Variants in TRIM54 observed in about 807,000 individuals in gnomAD.
TRIM54 encodes the protein tripartite motif containing 54, also known as tripartite motif-containing protein 54.
Under a neutral mutation model 42.0 loss-of-function variants are expected in TRIM54, and 40 were observed. That is an observed-to-expected ratio of 0.95 (90% CI 0.74 to 1.24). The LOEUF (loss-of-function observed/expected upper bound fraction) is 1.24, where lower values mean the gene tolerates loss of function less well. TRIM54 is among the 50% of genes most tolerant of loss of function. The pLI is 0.00. For missense variants in TRIM54, 485 were observed against 480.3 expected (o/e 1.01, Z -0.09); for synonymous variants, 199 against 194.9 (o/e 1.02, Z -0.17).
At chr2:27,285,421 A>G (rs991572208) in intron 1 of TRIM54, among the ~76,000 whole-genome samples, 1 of 152,218 alleles carries the variant, frequency 6.6e-6, no homozygotes, top group Non-Finnish European at 1.5e-5. Flanking sequence ...CTAGAAAGTT[A>G]ACGGTTATCA....
chr2:27,305,062 T>A lies in TRIM54; in HGVS notation c.609+8T>A. ...GTGTGCCAGACTATCGAGGTGAGCC[T>A]GGGCTGGAGGGAGGGAGGAACAGCA... On this transcript the variant is annotated splice_region_variant and intron_variant, in intron 4 of 8. Coordinates refer to ENST00000380075, the MANE Select transcript of TRIM54 (RefSeq NM_187841.3). The A allele has an allele frequency of 1.2e-6, 2 of 1,612,426 alleles. No individual in the cohort carries two copies. Among genetic ancestry groups the A allele is most frequent in the Non-Finnish European group, 1.7e-6 (2 of 1,178,974 alleles).
At chr2:27,291,313 C>A (rs1040343491) in intron 1 of TRIM54, among the ~76,000 whole-genome samples, 2 of 152,226 alleles carry the variant, frequency 1.3e-5, no homozygotes, top group African/African-American at 4.8e-5. Context: ...CGAGATCGTG[C>A]CACTGCATTC....
chr2:27,299,201 C>T (rs1678953029), intron 2 of TRIM54, 44 bp from the exon 3 acceptor site: 1 of 1,606,854 alleles, frequency 6.2e-7, no homozygotes. Flanking sequence ...TTCCTAGGAC[C>T]CTTCATGCTT....
Position 27,298,562 on chromosome 2 carries a change from T to C in TRIM54, c.169-5T>C, listed in dbSNP as rs769838315. 1 of 1,612,502 alleles carries C rather than the reference T, an allele frequency of 6.2e-7. No individual in the cohort carries two copies. Among genetic ancestry groups the C allele is most frequent in the South Asian group, 1.1e-5 (1 of 90,968 alleles). On this transcript the variant is annotated splice_region_variant and splice_polypyrimidine_tract_variant and intron_variant, in intron 1 of 8. Transcript: ENST00000380075. ...CCTGTTCTCTCAAGCCATCTGTCCC[T>C]GCAGGCCTCGAATCCTCTATGGCAG... is the stretch of plus-strand genomic sequence containing the variant.
At chr2:27,286,991 A>G (rs929872283) in intron 1 of TRIM54, among the ~76,000 whole-genome samples, 9 of 152,178 alleles carry the variant, frequency 5.9e-5, no homozygotes, top group African/African-American at 2.2e-4. Flanking sequence ...GTTCACTAAA[A>G]TTTTGTGAAT....
At chr2:27,304,194 A>G (rs1679114730) in intron 3 of TRIM54, among the ~76,000 whole-genome samples, 1 of 151,320 alleles carries the variant, frequency 6.6e-6, no homozygotes, top group Admixed American at 6.6e-5. Context: ...CCTTGGTGAC[A>G]GAGTGAGACC....
chr2:27,294,135 T>G (rs573708174), intron 1 of TRIM54, among the ~76,000 whole-genome samples: 2 of 152,178 alleles, frequency 1.3e-5, no homozygotes, highest in Admixed American at 1.3e-4. Flanking sequence ...TGTTTTTTGT[T>G]TGTTTTGTTT....
chr2:27,282,882 G>A lies in TRIM54; in HGVS notation c.151G>A (p.Ala51Thr). 1 of 1,612,850 alleles carries A rather than the reference G, an allele frequency of 6.2e-7. No homozygotes were observed. The highest frequency in any genetic ancestry group is 8.5e-7 in the Non-Finnish European group (1 of 1,179,290). ...PCQHNLCRKCANDVFQASNPL... is the reference protein window; with the variant it reads ...PCQHNLCRKCTNDVFQASNPL... ...CCAACACAACCTGTGCCGCAAATGT[G>A]CCAACGACGTCTTCCAGGTGGGTGC... Residue 51 changes from alanine to threonine, a missense_variant, in exon 1 of 9, where the codon GCC (alanine) becomes ACC (threonine). Physicochemically the swap from Ala to Thr is moderately conservative, Grantham distance 58 (BLOSUM62 0). Coordinates refer to ENST00000380075, the MANE Select transcript of TRIM54 (RefSeq NM_187841.3).
At chr2:27,304,309 G>A (rs901008467) in intron 3 of TRIM54, among the ~76,000 whole-genome samples, 4 of 141,858 alleles carry the variant, frequency 2.8e-5, no homozygotes, top group Non-Finnish European at 6.1e-5. Flanking sequence ...TCAACAGATG[G>A]CTGGGCATGG....
intron 1 of TRIM54, among the ~76,000 whole-genome samples, chr2:27,285,644 G>A (rs1678536414): frequency 6.6e-6 from 1 of 152,110 alleles, no homozygotes; most frequent in Non-Finnish European, 1.5e-5. Context: ...GTTCTCAGGC[G>A]AGACCCATCG....
At chr2:27,288,576 G>A (rs560082460) in intron 1 of TRIM54, among the ~76,000 whole-genome samples, 70 of 152,186 alleles carry the variant, frequency 4.6e-4, no homozygotes, top group African/African-American at 1.5e-3. Context: ...CAGTCATTTC[G>A]TACCCTGTGG....
chr2:27,306,421 G>A lies in TRIM54; in HGVS notation c.992-35G>A. On this transcript the variant is annotated intron_variant, in intron 7 of 8. Coordinates refer to ENST00000380075, the MANE Select transcript of TRIM54 (RefSeq NM_187841.3). The surrounding 1 kb of genome is among the most constrained non-coding windows in gnomAD (Gnocchi z 6.1). The stretch of plus-strand genomic sequence containing the variant: ...GGCGGGCACGATGGCCGTAAAGGCA[G>A]GGACTCCACCTCACCAGGCCTTCCT... The A allele has an allele frequency of 1.2e-6, 2 of 1,609,742 alleles. No individual in the cohort carries two copies. Among genetic ancestry groups the A allele is most frequent in the Middle Eastern group, 1.7e-4 (1 of 6,056 alleles).
chr2:27,299,885 T>G lies in TRIM54; in HGVS notation c.513+469T>G, dbSNP rs982005203. On this transcript the variant is annotated intron_variant, in intron 3 of 8. Transcript: ENST00000380075. ...CACACCCAGCTTTTTTGTTTTTTGGTTTTTTTTTGACTCCTGGCCTCATGT... is the reference window on the plus strand; with the variant it reads ...CACACCCAGCTTTTTTGTTTTTTGGGTTTTTTTTGACTCCTGGCCTCATGT... 1.2e-4 allele frequency among the ~76,000 whole-genome samples: 16 copies of G among 135,550 alleles called. No individual in the cohort carries two copies. The South Asian group carries it at 1.7e-3, about 15-fold the overall frequency. The allele number at this position is 135,550 out of a possible 152,430, so 88.9% of individuals were successfully genotyped here.
At chr2:27,301,700 C>T (rs944638031) in intron 3 of TRIM54, among the ~76,000 whole-genome samples, 2 of 152,022 alleles carry the variant, frequency 1.3e-5, no homozygotes, top group East Asian at 1.9e-4. Context: ...TATCTTGTGC[C>T]GACCTCCTAT....
In TRIM54 at chr2:27,299,108, G is replaced by A. The variant is rs539678276; in HGVS notation, c.342-137G>A. Reference sequence around the variant, plus strand: ...CTGTTCCCCAAATTCAGAGCTCTGTGGAAGTACTCACCAGTTCAGCCACAG... The same window carrying A: ...CTGTTCCCCAAATTCAGAGCTCTGTAGAAGTACTCACCAGTTCAGCCACAG... On this transcript the variant is annotated intron_variant, in intron 2 of 8. Transcript: ENST00000380075. The A allele has an allele frequency of 3.2e-5, 31 of 954,752 alleles. No homozygotes were observed. The African/African-American group carries it at 4.6e-4, about 14-fold the overall frequency. 59.1% of individuals were successfully genotyped at this position (954,752 alleles called of 1,614,324 possible).
Position 27,282,543 on chromosome 2 carries a change from G to T in TRIM54, c.-189G>T. On this transcript the variant is annotated 5_prime_UTR_variant, in exon 1 of 9. Transcript: ENST00000380075. Reference sequence around the variant, plus strand: ...GTGAGCCTGGCGAGGGTGCAGAGCAGAAAGTAGAGACTGTCCGAAGACTGC... The same window carrying T: ...GTGAGCCTGGCGAGGGTGCAGAGCATAAAGTAGAGACTGTCCGAAGACTGC... The T allele has an allele frequency of 1.9e-6, 1 of 528,426 alleles. No homozygotes were observed. Among genetic ancestry groups the T allele is most frequent in the South Asian group, 3.3e-5 (1 of 29,918 alleles). 32.7% of individuals were successfully genotyped at this position (528,426 alleles called of 1,614,324 possible).
chr2:27,298,828 C>A, intron 2 of TRIM54, 89 bp downstream of exon 2: 1 of 1,381,106 alleles, frequency 7.2e-7, no homozygotes, highest in Non-Finnish European at 1.0e-6. Flanking sequence ...GAGATTGAAA[C>A]GGTCAACCTG....
rs149286176 is a variant in TRIM54, at chr2:27,305,051, C to T, written c.606C>T (p.Ile202=). The change falls in exon 4 of 9, where the codon ATC becomes ATT. Residue 202 remains isoleucine, a synonymous_variant. Coordinates refer to ENST00000380075, the MANE Select transcript of TRIM54 (RefSeq NM_187841.3). ...AGATGGAGGAGGTGTGCCAGACTAT[C>T]GAGGTGAGCCTGGGCTGGAGGGAGG... is the stretch of plus-strand genomic sequence containing the variant. ...ITQMEEVCQT[I]EDNSRRQKQL... 3.8e-5 allele frequency: 62 copies of T among 1,613,540 alleles called. No homozygotes were observed. In the African/African-American group the frequency reaches 6.3e-4, roughly 16 times the overall value.
chr2:27,305,956 T>G (rs112800310), intron 5 of TRIM54, 124 bp from the exon 6 acceptor site: 4 of 1,441,764 alleles, frequency 2.8e-6, no homozygotes. Flanking sequence ...CTGAGTTCGT[T>G]TTCTGCTTAA....
Sources: gnomAD v4.1 joint callset for allele counts (sites outside exome capture counted in the v4.1 genomes callset) on GRCh38, gnomAD v4.1.1 for gene constraint, Gnocchi (gnomAD v3.1) non-coding constraint, MANE v1.5 for transcripts, NCBI Gene and HGNC (gene_info 2026-07-23, HGNC 2026-07-21) for gene names.